Variants in GABRR2 observed in about 807,000 individuals in gnomAD.
GABRR2 encodes the protein gamma-aminobutyric acid receptor subunit rho-2.
GABRR2 carries 36 observed loss-of-function variants against 47.0 expected under a neutral mutation model. The ratio of observed to expected loss-of-function variants is 0.77; its 90% CI spans 0.59 to 1.01. The LOEUF (loss-of-function observed/expected upper bound fraction) is 1.01. Among genes scored for constraint, GABRR2 ranks in the 50% least tolerant of loss-of-function variants. The pLI, the probability that GABRR2 is intolerant of heterozygous loss-of-function variation, is 0.00. For missense variants in GABRR2, 587 were observed against 594.6 expected (o/e 0.99, Z 0.13); for synonymous variants, 204 against 227.5 (o/e 0.90, Z 0.93).
intron 1 of GABRR2, among the ~76,000 whole-genome samples, chr6:89,301,620 T>C (rs532872865): frequency 1.3e-5 from 2 of 152,030 alleles, no homozygotes; most frequent in Admixed American, 6.6e-5. Flanking sequence ...ATCCCATTCA[T>C]GATTGCCACA....
At chr6:89,314,968 T>C (rs1208511763) in intron 1 of GABRR2, 85 bp downstream of exon 1, 6 of 1,205,860 alleles carry the variant, frequency 5.0e-6, no homozygotes, top group Admixed American at 1.9e-5. Context: ...AATAGGACCT[T>C]AGCCCCCTGG....
intron 2 of GABRR2, among the ~76,000 whole-genome samples, chr6:89,272,974 T>A (rs893500910): frequency 5.3e-5 from 8 of 152,200 alleles, no homozygotes; most frequent in African/African-American, 1.9e-4. Flanking sequence ...CGGCTCCCCA[T>A]AGGCTTGCAA....
intron 2 of GABRR2, among the ~76,000 whole-genome samples, chr6:89,294,008 G>A (rs889800788): frequency 6.6e-6 from 1 of 151,912 alleles, no homozygotes; most frequent in Non-Finnish European, 1.5e-5. Flanking sequence ...TCACCCAACG[G>A]GTATCTAGTC....
intron 1 of GABRR2, chr6:89,301,735 A>G (rs548377899): frequency 1.2e-5 from 8 of 661,462 alleles, no homozygotes; most frequent in South Asian, 1.1e-4. Flanking sequence ...GTCAGCAGCC[A>G]GCCCAGCCCG....
rs1582433921 is a variant in GABRR2 at position 89,263,275 on chromosome 6, T to C, written c.1086+1137A>G. 3.9e-5 allele frequency among the ~76,000 whole-genome samples: 6 copies of C among 152,370 alleles called. No homozygotes were observed. In the South Asian group the frequency reaches 1.2e-3, roughly 32 times the overall value. ...TATGATTTTCATAACATTTTCTGTC[T>C]AGCTTACTTTATTGTAAGAATACAG... On this transcript the variant is annotated intron_variant, in intron 8 of 8. Coordinates refer to ENST00000402938, the MANE Select transcript of GABRR2 (RefSeq NM_002043.5).
At chr6:89,313,496 C>T (rs926577397) in intron 1 of GABRR2, among the ~76,000 whole-genome samples, 2 of 152,178 alleles carry the variant, frequency 1.3e-5, no homozygotes, top group African/African-American at 4.8e-5. Context: ...GGGCCGATGA[C>T]ATCTGAGGCT....
Position 89,299,815 on chromosome 6 carries a change from G to C in GABRR2, c.164C>G (p.Pro55Arg), listed in dbSNP as rs377686478. The C allele has an allele frequency of 4.3e-6, 7 of 1,613,824 alleles. No homozygotes were observed. In the African/African-American group the frequency reaches 8.0e-5, roughly 18 times the overall value. Residue 55 changes from proline (P) to arginine (R), a missense_variant, in exon 2 of 9, where the codon CCT (proline) becomes CGT (arginine). Transcript: ENST00000402938. ...CTCGTCCACTCTGAGAAGCTGCTGA[G>C]GCTTTCCCTTCCGGATCTTGGTCAC... ...LDVTKIRKGKPQQLLRVDEHD... is the reference protein window; with the variant it reads ...LDVTKIRKGKRQQLLRVDEHD...
At chr6:89,314,920 G>A in intron 1 of GABRR2, 133 bp downstream of exon 1, 1 of 742,558 alleles carries the variant, frequency 1.3e-6, no homozygotes, top group East Asian at 2.5e-5. Context: ...TGCGTTCAGT[G>A]AAGTAGCTGG....
chr6:89,278,995 G>A (rs1774213750), intron 2 of GABRR2, among the ~76,000 whole-genome samples: 1 of 152,218 alleles, frequency 6.6e-6, no homozygotes. Context: ...CAGTGGTTGA[G>A]GGGCCTCTGT....
At chr6:89,294,946 C>T (rs1345828274) in intron 2 of GABRR2, among the ~76,000 whole-genome samples, 1 of 151,956 alleles carries the variant, frequency 6.6e-6, no homozygotes, top group Non-Finnish European at 1.5e-5. Flanking sequence ...CAGCTTCATC[C>T]ATGTCCCTAA....
Position 89,257,881 on chromosome 6 carries a change from T to A in GABRR2, c.1187A>T (p.His396Leu). ...TTGCCTTTCTTCTTCTGTCAGGATA[T>A]GGCTTCTGGGGTACCCAGCCAGGCT... ...ANSLAGYPRS[H>L]ILTEEERQDK... Residue 396 changes from histidine to leucine, a missense_variant, in exon 9 of 9, where the codon CAT becomes CTT. Transcript: ENST00000402938. The A allele has an allele frequency of 1.2e-6, 2 of 1,614,080 alleles. No homozygotes were observed. The highest frequency in any genetic ancestry group is 1.7e-6 in the Non-Finnish European group (2 of 1,179,896).
At chr6:89,263,683 C>T (rs1582434460) in intron 8 of GABRR2, among the ~76,000 whole-genome samples, 1 of 152,232 alleles carries the variant, frequency 6.6e-6, no homozygotes, top group Admixed American at 6.5e-5. Flanking sequence ...CCACCATGCT[C>T]GGCTAATTTT....
intron 2 of GABRR2, among the ~76,000 whole-genome samples, chr6:89,274,884 A>T (rs185408779): frequency 4.0e-3 from 609 of 152,058 alleles, no homozygotes; most frequent in African/African-American, 0.012. Flanking sequence ...AATAATTTTT[A>T]AAAAAATAAT....
chr6:89,296,016 G>A (rs1017997610), intron 2 of GABRR2, among the ~76,000 whole-genome samples: 2 of 152,190 alleles, frequency 1.3e-5, no homozygotes, highest in East Asian at 1.9e-4. Flanking sequence ...TGCTGTTTTG[G>A]TTACTTTGGG....
chr6:89,292,754 C>T lies in GABRR2; in HGVS notation c.220+7005G>A, dbSNP rs182964243. 4.4e-5 allele frequency among the ~76,000 whole-genome samples: 3 copies of T among 68,390 alleles called. 1 individual carries two copies. The East Asian group carries it at 1.6e-3, about 37-fold the overall frequency. 44.9% of individuals were successfully genotyped at this position (68,390 alleles called of 152,430 possible). On this transcript the variant is annotated intron_variant, in intron 2 of 8. Transcript: ENST00000402938. ...ATATATCATATATAATCGTATATATCGTATATACGATATATCGTATATATC... is the reference window on the plus strand; with the variant it reads ...ATATATCATATATAATCGTATATATTGTATATACGATATATCGTATATATC...
In GABRR2 at chr6:89,308,668, C is replaced by T. The variant is rs577776065; in HGVS notation, c.113+6385G>A. ...CAGACCTCCCAGTCATTTCCCCACCCGCTTGAGGGCTCAGGAACAACCTGC... is the reference window on the plus strand; with the variant it reads ...CAGACCTCCCAGTCATTTCCCCACCTGCTTGAGGGCTCAGGAACAACCTGC... On this transcript the variant is annotated intron_variant, in intron 1 of 8. Transcript: ENST00000402938. Among the ~76,000 whole-genome samples the T allele has an allele frequency of 1.3e-3, 204 of 152,152 alleles. 3 individuals carry two copies. Among genetic ancestry groups the T allele is most frequent in the Admixed American group, 9.8e-4 (15 of 15,282 alleles).
At chr6:89,279,314 G>T (rs952554550) in intron 2 of GABRR2, among the ~76,000 whole-genome samples, 11 of 152,142 alleles carry the variant, frequency 7.2e-5, no homozygotes, top group African/African-American at 2.7e-4. Flanking sequence ...TGGAGTCCCT[G>T]AAGACCGGTG....
At position 89,291,995 on chromosome 6, in the gene GABRR2, C is replaced by T. The variant is rs1233873859; in HGVS notation, c.220+7764G>A. ...ATCTCCACATGAGGATTTCATTAAA[C>T]TGCCCTTCCAACTAGAGCATAAACT... On this transcript the variant is annotated intron_variant, in intron 2 of 8. Coordinates refer to ENST00000402938, the MANE Select transcript of GABRR2 (RefSeq NM_002043.5). Among the ~76,000 whole-genome samples the T allele has an allele frequency of 2.0e-5, 3 of 152,120 alleles. No homozygotes were observed. The South Asian group carries it at 6.2e-4, about 31-fold the overall frequency.
chr6:89,275,865 T>A (rs1159553615), intron 2 of GABRR2, among the ~76,000 whole-genome samples: 2 of 152,088 alleles, frequency 1.3e-5, no homozygotes, highest in Non-Finnish European at 2.9e-5. Flanking sequence ...TAAACCTTTG[T>A]AGGGTTCGCA....
Sources: gnomAD v4.1 joint callset for allele counts (sites outside exome capture counted in the v4.1 genomes callset) on GRCh38, gnomAD v4.1.1 for gene constraint, MANE v1.5 for transcripts, NCBI Gene and HGNC (gene_info 2026-07-23, HGNC 2026-07-21) for gene names.